The following DNAH11 variants were observed in gnomAD, a reference collection of about 807,000 sequenced individuals.
The protein encoded by DNAH11 is dynein axonemal heavy chain 11.
In DNAH11, 442 loss-of-function variants were observed where a neutral mutation model predicts 526.0. The observed-to-expected ratio is 0.84, with a 90% confidence interval of 0.78 to 0.91. The LOEUF is 0.91. Ranked by LOEUF, DNAH11 falls within the 40% of genes least tolerant of loss-of-function variation. The pLI is 0.00. For missense variants in DNAH11, 6,989 were observed against 5,448.7 expected, an observed-to-expected ratio of 1.28 and a Z score of -8.90; for synonymous variants, 2,461 against 1,935.9, an observed-to-expected ratio of 1.27 and a Z score of -7.12.
At chr7:21,691,988 C>T (rs1442802395) in intron 35 of DNAH11, among the ~76,000 whole-genome samples, 1 of 152,194 alleles carries the variant, frequency 6.6e-6, no homozygotes, top group African/African-American at 2.4e-5. Context: ...AGTACTCTGC[C>T]AATGTATGCA....
chr7:21,609,869 A>G (rs1785446218), intron 20 of DNAH11, among the ~76,000 whole-genome samples: 1 of 152,188 alleles, frequency 6.6e-6, no homozygotes. Flanking sequence ...TGATACCCTC[A>G]TTGGAGAGTG....
At position 21,571,957 on chromosome 7, in the gene DNAH11, C is replaced by T; in HGVS notation, c.1577C>T (p.Ser526Phe). Residue 526 changes from serine (S) to phenylalanine (F), a missense_variant, in exon 8 of 82, where the codon TCT (serine) becomes TTT (phenylalanine). Physicochemically the swap from Ser to Phe is radical, Grantham distance 155. Transcript: ENST00000409508. ...KLFKQSTYDP[S>F]DCTNMEFESD... ...TTTAAACAGAGCACTTATGACCCAT[C>T]TGATTGCACTAACATGGTAATGTTG... The T allele has an allele frequency of 6.4e-7, 1 of 1,570,898 alleles. No individual in the cohort carries two copies.
intron 32 of DNAH11, among the ~76,000 whole-genome samples, chr7:21,686,217 C>T (rs1783369082): frequency 6.6e-6 from 1 of 152,120 alleles, no homozygotes; most frequent in African/African-American, 2.4e-5. Flanking sequence ...CTACAATTAA[C>T]CTCATTTAAT....
At position 21,631,751 on chromosome 7, in the gene DNAH11, C is replaced by T. The variant is rs536347498; in HGVS notation, c.4501-4120C>T. ...TGGGGTACAGTCTCCCTCCCGGCTG[C>T]TTTCACAGGCTGGTGTTGAGTATCT... On this transcript the variant is annotated intron_variant, in intron 25 of 81. Transcript: ENST00000409508. 2.0e-5 allele frequency among the ~76,000 whole-genome samples: 3 copies of T among 152,330 alleles called. No individual in the cohort carries two copies. In the East Asian group the frequency reaches 5.8e-4, roughly 29 times the overall value.
At chr7:21,822,716 C>G (rs754798888) in intron 65 of DNAH11, among the ~76,000 whole-genome samples, 7 of 152,162 alleles carry the variant, frequency 4.6e-5, no homozygotes, top group Non-Finnish European at 1.0e-4. Context: ...AGTGGCTATA[C>G]TAATTTACAT....
intron 76 of DNAH11, among the ~76,000 whole-genome samples, chr7:21,886,093 G>A (rs925172166): frequency 1.3e-5 from 2 of 152,126 alleles, no homozygotes; most frequent in Admixed American, 1.3e-4. Flanking sequence ...AGTTGGGCGA[G>A]ACACCAACTC....
intron 5 of DNAH11, chr7:21,561,472 G>C (rs973951744): frequency 4.2e-6 from 1 of 237,726 alleles, no homozygotes; most frequent in East Asian, 1.0e-4. Flanking sequence ...AGTCTGGATA[G>C]AGGTTTTCCA....
intron 44 of DNAH11, among the ~76,000 whole-genome samples, chr7:21,721,715 C>G (rs1258856180): frequency 2.0e-5 from 3 of 152,254 alleles, no homozygotes; most frequent in South Asian, 4.2e-4. Context: ...GGCCCCACCA[C>G]CAAATATCAT....
In DNAH11 at chr7:21,683,934, CT is replaced by C; in HGVS notation, c.5612del (p.Leu1871GlnfsTer9). ...CAGCCCTCGACTAGTGATCACTCCT[CT>C]AACTGACAGGTAACAATTCAAAGTT... ...GNSPRLVITP[L>X]TDRCYITLTQ... is the part of the protein sequence containing the mutation. On this transcript the variant is annotated frameshift_variant, in exon 32 of 82. Transcript: ENST00000409508. LOFTEE classifies it high-confidence loss of function. The C allele has an allele frequency of 6.2e-7, 1 of 1,613,000 alleles. No individual in the cohort carries two copies. The highest frequency in any genetic ancestry group is 8.5e-7 in the Non-Finnish European group (1 of 1,179,360).
At chr7:21,635,202 C>G (rs754538363) in intron 25 of DNAH11, among the ~76,000 whole-genome samples, 1 of 152,020 alleles carries the variant, frequency 6.6e-6, no homozygotes, top group Non-Finnish European at 1.5e-5. Flanking sequence ...GTTGCCCAGG[C>G]TTGGAGTGCA....
chr7:21,548,669 C>A (rs1454694298), intron 2 of DNAH11, among the ~76,000 whole-genome samples: 1 of 152,182 alleles, frequency 6.6e-6, no homozygotes, highest in Non-Finnish European at 1.5e-5. Flanking sequence ...TACCACCAGA[C>A]ATTAGCCTGG....
At chr7:21,573,512 A>T (rs1036925852) in intron 8 of DNAH11, among the ~76,000 whole-genome samples, 4 of 152,122 alleles carry the variant, frequency 2.6e-5, no homozygotes, top group South Asian at 2.1e-4. Context: ...TTACTTTTTT[A>T]AAAAAATGTG....
At chr7:21,802,252 C>A (rs1380016679) in intron 62 of DNAH11, among the ~76,000 whole-genome samples, 1 of 152,152 alleles carries the variant, frequency 6.6e-6, no homozygotes, top group Non-Finnish European at 1.5e-5. Context: ...CTCCATTAGT[C>A]GTTAGAGAAA....
At chr7:21,658,160 T>TA (rs959103112) in intron 29 of DNAH11, among the ~76,000 whole-genome samples, 15 of 149,512 alleles carry the variant, frequency 1.0e-4, no homozygotes, top group Admixed American at 4.0e-4. Flanking sequence ...TTCAATTTTT[T>TA]AAAAAAAAAA....
chr7:21,585,364 A>C (rs1158366495), intron 9 of DNAH11, among the ~76,000 whole-genome samples: 1 of 152,206 alleles, frequency 6.6e-6, no homozygotes. Context: ...CTGTGTACTT[A>C]GAAAAATATT....
At chr7:21,698,039 C>T in intron 35 of DNAH11, 36 bp from the exon 36 acceptor site, 1 of 1,578,106 alleles carries the variant, frequency 6.3e-7, no homozygotes, top group Non-Finnish European at 8.6e-7. Context: ...ATCACCTTGT[C>T]ACATTTTAAA....
Position 21,894,623 on chromosome 7 carries a change from G to A in DNAH11, c.12751G>A (p.Val4251Ile). 6.2e-7 allele frequency: 1 copy of A among 1,613,360 alleles called. No individual in the cohort carries two copies. The highest frequency in any genetic ancestry group is 8.5e-7 in the Non-Finnish European group (1 of 1,179,734). ...DELGQSTEEK[V>I]KNVLDDILEK... ...TAAATCTTTGTGTTACTGATTTAAG[G>A]TTAAGAATGTCTTGGATGACATTTT... Residue 4251 changes from valine to isoleucine, a missense_variant and splice_region_variant, in exon 78 of 82, where the codon GTT becomes ATT. Val to Ile is a conservative substitution (Grantham distance 29, BLOSUM62 3). Transcript: ENST00000409508.
chr7:21,550,040 A>G (rs894726355), intron 2 of DNAH11, among the ~76,000 whole-genome samples: 3 of 152,180 alleles, frequency 2.0e-5, no homozygotes, highest in Non-Finnish European at 2.9e-5. Context: ...ATTAACTTCC[A>G]AAATGGAGCC....
intron 31 of DNAH11, among the ~76,000 whole-genome samples, chr7:21,682,455 G>A (rs1410231391): frequency 6.6e-6 from 1 of 150,394 alleles, no homozygotes; most frequent in East Asian, 2.0e-4. Context: ...GAACCCAGGA[G>A]GCAGAGGTTG....
Sources: allele counts gnomAD v4.1 joint callset (sites outside exome capture counted in the v4.1 genomes callset), GRCh38; gene constraint gnomAD v4.1.1; transcripts MANE v1.5; gene names NCBI Gene and HGNC (gene_info 2026-07-23, HGNC 2026-07-21).